Variants in GNG12 observed in about 807,000 individuals in gnomAD.
GNG12 encodes the protein guanine nucleotide-binding protein G(I)/G(S)/G(O) subunit gamma-12.
For synonymous variants in GNG12, 28 were observed against 29.7 expected, an observed-to-expected ratio of 0.94 and a Z score of 0.19; for missense variants, 69 against 83.8, an observed-to-expected ratio of 0.82 and a Z score of 0.69.
intron 1 of GNG12, among the ~76,000 whole-genome samples, chr1:67,827,875 A>G (rs1321410147): frequency 1.3e-5 from 2 of 152,224 alleles, no homozygotes; most frequent in African/African-American, 4.8e-5. Context: ...TAAACCAAAC[A>G]CTTAAGTGAC....
chr1:67,722,092 T>C (rs1034503297), intron 2 of GNG12, among the ~76,000 whole-genome samples: 1 of 151,918 alleles, frequency 6.6e-6, no homozygotes, highest in Admixed American at 6.6e-5. Context: ...GCTAAGCAAA[T>C]AGGAGCTCAC....
intron 1 of GNG12, among the ~76,000 whole-genome samples, chr1:67,797,302 C>G (rs189434325): frequency 2.2e-3 from 328 of 152,226 alleles, no homozygotes; most frequent in African/African-American, 7.5e-3. Flanking sequence ...CTACTCATAC[C>G]TAACTTGTCC....
At position 67,737,291 on chromosome 1, in the gene GNG12, T is replaced by A. The variant is rs564154; in HGVS notation, c.-26-29579A>T. The stretch of plus-strand genomic sequence containing the variant: ...TAGCTAAAGCAAAGTCTAATTATAA[T>A]TCTCATAATTAATCATTATAAAAAT... On this transcript the variant is annotated intron_variant, in intron 2 of 3. Coordinates refer to ENST00000370982, the MANE Select transcript of GNG12 (RefSeq NM_018841.6). 7.5e-3 allele frequency among the ~76,000 whole-genome samples: 1,141 copies of A among 152,366 alleles called. 20 individuals are homozygous for A. Among genetic ancestry groups the A allele is most frequent in the African/African-American group, 0.027 (1,102 of 41,582 alleles).
intron 2 of GNG12, among the ~76,000 whole-genome samples, chr1:67,709,050 G>GGT (rs1359517005): frequency 6.6e-6 from 1 of 152,234 alleles, no homozygotes; most frequent in Non-Finnish European, 1.5e-5. Context: ...CTACGACTTG[G>GGT]GTAGGGCTTG....
intron 1 of GNG12, among the ~76,000 whole-genome samples, chr1:67,815,049 T>C (rs1646945695): frequency 6.6e-6 from 1 of 152,238 alleles, no homozygotes; most frequent in Non-Finnish European, 1.5e-5. Flanking sequence ...AGGACTCCTT[T>C]CAGGTGCTTC....
At chr1:67,831,962 T>C (rs1427739338) in intron 1 of GNG12, among the ~76,000 whole-genome samples, 2 of 152,208 alleles carry the variant, frequency 1.3e-5, no homozygotes, top group African/African-American at 4.8e-5. Flanking sequence ...TGCAGTCTGG[T>C]GACTAGCACT....
chr1:67,795,015 T>G (rs1646822279), intron 1 of GNG12, among the ~76,000 whole-genome samples: 1 of 152,136 alleles, frequency 6.6e-6, no homozygotes, highest in Non-Finnish European at 1.5e-5. Context: ...ATTTTAGAGA[T>G]AAGGACACAG....
chr1:67,718,197 G>A (rs897189317), intron 2 of GNG12, among the ~76,000 whole-genome samples: 1 of 152,062 alleles, frequency 6.6e-6, no homozygotes, highest in African/African-American at 2.4e-5. Context: ...ACACAACACA[G>A]GTAAAACCCA....
At chr1:67,764,705 G>A (rs1036078344) in intron 2 of GNG12, among the ~76,000 whole-genome samples, 2 of 152,212 alleles carry the variant, frequency 1.3e-5, no homozygotes, top group Non-Finnish European at 2.9e-5. Context: ...GTGTATATGT[G>A]TGTGTGTTCT....
chr1:67,707,851 C>A (rs1447200007), intron 2 of GNG12, 139 bp from the exon 3 acceptor site: 3 of 541,156 alleles, frequency 5.5e-6, no homozygotes, highest in Non-Finnish European at 9.6e-6. Flanking sequence ...ACTAAAACAC[C>A]CCTTAGAAAT....
At chr1:67,787,629 G>A (rs934019611) in intron 1 of GNG12, among the ~76,000 whole-genome samples, 1 of 152,128 alleles carries the variant, frequency 6.6e-6, no homozygotes, top group Non-Finnish European at 1.5e-5. Context: ...AGGGCAAGAA[G>A]ATAAATTGTA....
chr1:67,732,565 C>T (rs1293664833), intron 2 of GNG12, among the ~76,000 whole-genome samples: 3 of 152,222 alleles, frequency 2.0e-5, no homozygotes, highest in Admixed American at 6.5e-5. Context: ...GTTCAGGAAT[C>T]GAGTGGCAGG....
chr1:67,811,832 T>C (rs923470754), intron 1 of GNG12, among the ~76,000 whole-genome samples: 6 of 152,182 alleles, frequency 3.9e-5, no homozygotes, highest in Non-Finnish European at 7.3e-5. Flanking sequence ...AATCACTGTC[T>C]AGGAATTAAG....
At chr1:67,766,693 C>G (rs1646642492) in intron 2 of GNG12, among the ~76,000 whole-genome samples, 1 of 151,492 alleles carries the variant, frequency 6.6e-6, no homozygotes, top group African/African-American at 2.4e-5. Context: ...CCCACCCGGT[C>G]TCCTCTGTAG....
chr1:67,809,660 CAAGT>C (rs923698122), intron 1 of GNG12, among the ~76,000 whole-genome samples: 1 of 152,002 alleles, frequency 6.6e-6, no homozygotes, highest in African/African-American at 2.4e-5. Context: ...ATACAGATGG[CAAGT>C]AAGTGTCTGA....
At chr1:67,795,889 A>G (rs1646828487) in intron 1 of GNG12, among the ~76,000 whole-genome samples, 1 of 152,242 alleles carries the variant, frequency 6.6e-6, no homozygotes, top group Non-Finnish European at 1.5e-5. Context: ...AACTCCAGCT[A>G]TGCAAAAATA....
At chr1:67,730,583 G>A (rs931040712) in intron 2 of GNG12, among the ~76,000 whole-genome samples, 3 of 151,158 alleles carry the variant, frequency 2.0e-5, no homozygotes, top group African/African-American at 2.4e-5. Flanking sequence ...TACTAAAAAC[G>A]GGCAAAACTG....
chr1:67,724,383 G>A (rs546607715), intron 2 of GNG12, among the ~76,000 whole-genome samples: 1 of 152,180 alleles, frequency 6.6e-6, no homozygotes, highest in Admixed American at 6.5e-5. Context: ...AGAAGAGCAT[G>A]CACTGTCAAT....
intron 2 of GNG12, among the ~76,000 whole-genome samples, chr1:67,712,419 G>A (rs935413470): frequency 6.6e-6 from 1 of 152,184 alleles, no homozygotes; most frequent in Non-Finnish European, 1.5e-5. Flanking sequence ...GGCTGGGCAC[G>A]ATGGCTCACA....
Sources: gnomAD v4.1 joint callset for allele counts (sites outside exome capture counted in the v4.1 genomes callset) on GRCh38, gnomAD v4.1.1 for gene constraint, MANE v1.5 for transcripts, NCBI Gene and HGNC (gene_info 2026-07-23, HGNC 2026-07-21) for gene names.